Variants in RBFOX1 observed in about 807,000 individuals in gnomAD.
RBFOX1 encodes RNA binding protein fox-1 homolog 1.
A neutral mutation model predicts 57.7 loss-of-function variants in RBFOX1; 8 were observed. That is an observed-to-expected ratio of 0.14 (90% CI 0.08 to 0.25). RBFOX1 has a LOEUF of 0.25. Among genes scored for constraint, RBFOX1 ranks in the 10% least tolerant of loss-of-function variants. The pLI is 1.00. For synonymous variants in RBFOX1, 326 were observed against 222.4 expected, an observed-to-expected ratio of 1.47 and a Z score of -4.15; for missense variants, 611 against 548.5, an observed-to-expected ratio of 1.11 and a Z score of -1.14.
intron 3 of RBFOX1, among the ~76,000 whole-genome samples, chr16:6,823,095 G>A (rs1032111159): frequency 6.6e-6 from 1 of 152,250 alleles, no homozygotes; most frequent in Non-Finnish European, 1.5e-5. Flanking sequence ...ATGGGAGACT[G>A]AGCATCAGAG....
intron 1 of RBFOX1, among the ~76,000 whole-genome samples, chr16:6,297,871 T>C (rs1360688511): frequency 6.6e-6 from 1 of 152,112 alleles, no homozygotes. Context: ...AAGATCATCT[T>C]CCCACTCCAT....
chr16:5,722,095 A>G (rs2051958043), intron 3 of RBFOX1, among the ~76,000 whole-genome samples: 1 of 152,234 alleles, frequency 6.6e-6, no homozygotes, highest in Non-Finnish European at 1.5e-5. Context: ...CCTTTAAAAG[A>G]ACCAGGTTGC....
intron 10 of RBFOX1, among the ~76,000 whole-genome samples, chr16:7,618,937 G>A (rs569030571): frequency 1.7e-4 from 26 of 152,242 alleles, no homozygotes; most frequent in Admixed American, 3.3e-4. Context: ...ATGGAATTCC[G>A]CATCTGCATT....
intron 4 of RBFOX1, among the ~76,000 whole-genome samples, chr16:7,194,982 T>C: frequency 6.6e-6 from 1 of 151,824 alleles, no homozygotes; most frequent in South Asian, 2.1e-4. Context: ...CACCTTTCAA[T>C]ATTTTATCGA....
At chr16:7,423,429 G>A (rs1381887366) in intron 4 of RBFOX1, among the ~76,000 whole-genome samples, 2 of 152,116 alleles carry the variant, frequency 1.3e-5, no homozygotes, top group Non-Finnish European at 2.9e-5. Context: ...GATATTTGGG[G>A]TGCAAGAGTT....
intron 4 of RBFOX1, among the ~76,000 whole-genome samples, chr16:7,228,341 C>G (rs2093282117): frequency 6.6e-6 from 1 of 151,982 alleles, no homozygotes; most frequent in Non-Finnish European, 1.5e-5. Flanking sequence ...TCAAGGGTTC[C>G]TTTTTATCTT....
intron 4 of RBFOX1, among the ~76,000 whole-genome samples, chr16:7,059,351 T>C (rs1460372763): frequency 1.3e-5 from 2 of 152,184 alleles, no homozygotes; most frequent in Non-Finnish European, 2.9e-5. Context: ...TTTAGGATGG[T>C]TCGTTGTAGA....
chr16:6,772,893 T>TTG (rs1263069231), intron 3 of RBFOX1, among the ~76,000 whole-genome samples: 1 of 137,366 alleles, frequency 7.3e-6, no homozygotes, highest in African/African-American at 2.8e-5. Flanking sequence ...TGGGGTGCAT[T>TTG]TGTGTGTGTG....
At chr16:6,879,481 C>T (rs1219834152) in intron 3 of RBFOX1, among the ~76,000 whole-genome samples, 3 of 152,102 alleles carry the variant, frequency 2.0e-5, no homozygotes, top group Admixed American at 6.5e-5. Flanking sequence ...TTGATGACCC[C>T]ATCATGACCT....
intron 1 of RBFOX1, among the ~76,000 whole-genome samples, chr16:5,421,653 C>T (rs1293289189): frequency 6.6e-6 from 1 of 152,162 alleles, no homozygotes; most frequent in African/African-American, 2.4e-5. Flanking sequence ...GGCTCCAGAG[C>T]CAGGCTTATT....
At chr16:6,337,273 T>A (rs939038500) in intron 2 of RBFOX1, among the ~76,000 whole-genome samples, 8 of 152,154 alleles carry the variant, frequency 5.3e-5, no homozygotes, top group Admixed American at 2.0e-4. Context: ...AATGGTGCAT[T>A]TAAAGTCGAC....
At chr16:7,186,267 C>CATAAACATTTATATAAAT (rs2083758561) in intron 4 of RBFOX1, among the ~76,000 whole-genome samples, 4 of 76,322 alleles carry the variant, frequency 5.2e-5, no homozygotes, top group Non-Finnish European at 9.3e-5. Flanking sequence ...TTTATATAAA[C>CATAAACATTTATATAAAT]ATAAACATAA....
At chr16:5,296,170 C>A (rs2063663050) in intron 1 of RBFOX1, among the ~76,000 whole-genome samples, 1 of 152,198 alleles carries the variant, frequency 6.6e-6, no homozygotes, top group African/African-American at 2.4e-5. Context: ...TTTTTCCAAT[C>A]TGACTTGTCT....
chr16:7,579,420 C>G (rs983467762), intron 5 of RBFOX1, among the ~76,000 whole-genome samples: 7 of 152,114 alleles, frequency 4.6e-5, no homozygotes, highest in Non-Finnish European at 1.0e-4. Flanking sequence ...CCTCCCAACC[C>G]CAGCAGCTCC....
intron 3 of RBFOX1, among the ~76,000 whole-genome samples, chr16:7,022,584 T>C (rs1016107698): frequency 6.2e-4 from 95 of 152,256 alleles, no homozygotes; most frequent in African/African-American, 2.2e-3. Flanking sequence ...TGAAAACTTA[T>C]CTAATATTTA....
At chr16:6,142,500 C>T (rs1442759260) in intron 1 of RBFOX1, among the ~76,000 whole-genome samples, 5 of 151,956 alleles carry the variant, frequency 3.3e-5, no homozygotes, top group Admixed American at 2.6e-4. Context: ...GGATTACAGG[C>T]GTGAGCCACC....
chr16:6,094,533 C>A (rs2096220421), intron 1 of RBFOX1, among the ~76,000 whole-genome samples: 1 of 152,094 alleles, frequency 6.6e-6, no homozygotes. Flanking sequence ...CCACTGGAAG[C>A]TTGAAAGGAG....
intron 2 of RBFOX1, among the ~76,000 whole-genome samples, chr16:6,642,171 C>T (rs1368620055): frequency 6.6e-6 from 1 of 152,210 alleles, no homozygotes; most frequent in Non-Finnish European, 1.5e-5. Context: ...CCCAGGCTTC[C>T]CAGGCTCGTA....
intron 3 of RBFOX1, among the ~76,000 whole-genome samples, chr16:6,670,215 C>T (rs763650982): frequency 2.0e-5 from 3 of 151,996 alleles, no homozygotes; most frequent in Non-Finnish European, 4.4e-5. Context: ...AGGAGTGCAC[C>T]GTTATGCCTG....
Sources: gnomAD v4.1 joint callset for allele counts (sites outside exome capture counted in the v4.1 genomes callset) on GRCh38, gnomAD v4.1.1 for gene constraint, MANE v1.5 for transcripts, NCBI Gene and HGNC (gene_info 2026-07-23, HGNC 2026-07-21) for gene names.